Variants in RAD50 observed in about 807,000 individuals in gnomAD.
RAD50 encodes the protein DNA repair protein RAD50.
In RAD50, 132 loss-of-function variants were observed where a neutral mutation model predicts 168.8. The observed-to-expected ratio is 0.78, with a 90% CI of 0.68 to 0.90. The LOEUF is 0.90. Among genes scored for constraint, RAD50 ranks in the 40% least tolerant of loss-of-function variants. RAD50 has a pLI of 0.00. For missense variants in RAD50, 1,347 were observed against 1,534.4 expected (o/e 0.88, Z 2.04); for synonymous variants, 525 against 497.4 (o/e 1.06, Z -0.74).
rs587781569 is a variant in RAD50 at position 132,640,708 on chromosome 5, G to T, written c.3655G>T (p.Glu1219Ter). The change falls in exon 24 of 25, where the codon GAA becomes TAA. Residue 1219 changes from glutamate to a stop codon, truncating the protein, a stop_gained. Coordinates refer to ENST00000378823, the MANE Select transcript of RAD50 (RefSeq NM_005732.4). LOFTEE classifies it high-confidence loss of function. ...ACTCATCATTCGCCTGGCCCTGGCT[G>T]AAACGTTCTGCCTCAACTGTGGCAT... The part of the protein sequence containing the change: ...ASLIIRLALA[E>*]TFCLNCGIIA... The T allele has an allele frequency of 1.2e-6, 2 of 1,614,048 alleles. No individual in the cohort carries two copies. The highest frequency in any genetic ancestry group is 2.7e-5 in the African/African-American group (2 of 74,914).
intron 21 of RAD50, among the ~76,000 whole-genome samples, chr5:132,634,375 T>A (rs1162064285): frequency 6.6e-6 from 1 of 152,150 alleles, no homozygotes; most frequent in African/African-American, 2.4e-5. Context: ...CTATTGGTGT[T>A]TGCCTCTAGA....
In RAD50 at chr5:132,557,237, G is replaced by T; in HGVS notation, c.-88G>T. ...ATCCTCCTGACCCTGAGATTCGCGG[G>T]TCTCACGTCCCGTGCACGCCTTGCT... On this transcript the variant is annotated 5_prime_UTR_variant, in exon 1 of 25. Transcript: ENST00000378823. The T allele has an allele frequency of 6.5e-7, 1 of 1,541,438 alleles. No individual in the cohort carries two copies. Among genetic ancestry groups the T allele is most frequent in the Non-Finnish European group, 9.0e-7 (1 of 1,114,428 alleles).
chr5:132,584,208 G>T (rs1272994995), intron 5 of RAD50, among the ~76,000 whole-genome samples: 1 of 152,126 alleles, frequency 6.6e-6, no homozygotes, highest in African/African-American at 2.4e-5. Flanking sequence ...ATTCTAACTG[G>T]TGTGAGATGA....
intron 11 of RAD50, 21 bp from the exon 12 acceptor site, chr5:132,594,848 C>T: frequency 6.3e-7 from 1 of 1,583,508 alleles, no homozygotes; most frequent in Non-Finnish European, 8.7e-7. Context: ...AAATGAAAAT[C>T]CATATTTGCT....
chr5:132,595,878 G>C (rs1750783362), intron 13 of RAD50, 68 bp downstream of exon 13: 2 of 1,416,520 alleles, frequency 1.4e-6, no homozygotes, highest in Non-Finnish European at 2.0e-6. Context: ...TCTCATGCCT[G>C]GGCAGATGGT....
At chr5:132,634,201 C>G (rs1317496187) in intron 21 of RAD50, among the ~76,000 whole-genome samples, 1 of 152,116 alleles carries the variant, frequency 6.6e-6, no homozygotes, top group African/African-American at 2.4e-5. Flanking sequence ...CCATTCTGGA[C>G]TCCTTAGTAT....
At chr5:132,565,522 C>T (rs1422560791) in intron 2 of RAD50, among the ~76,000 whole-genome samples, 1 of 152,112 alleles carries the variant, frequency 6.6e-6, no homozygotes, top group Non-Finnish European at 1.5e-5. Flanking sequence ...TACACTTTGA[C>T]TTCTGGTGCT....
At chr5:132,569,676 A>G (rs987272611) in intron 2 of RAD50, among the ~76,000 whole-genome samples, 2 of 152,232 alleles carry the variant, frequency 1.3e-5, no homozygotes, top group Non-Finnish European at 1.5e-5. Context: ...ATAGCAGAAT[A>G]CACTTTATTT....
At chr5:132,571,314 A>G (rs975114919) in intron 2 of RAD50, among the ~76,000 whole-genome samples, 1 of 152,232 alleles carries the variant, frequency 6.6e-6, no homozygotes, top group African/African-American at 2.4e-5. Flanking sequence ...AGAGCACAAT[A>G]AGATGGGGTA....
chr5:132,603,839 A>T (rs1258467091), intron 14 of RAD50, 81 bp from the exon 15 acceptor site: 1 of 1,267,436 alleles, frequency 7.9e-7, no homozygotes, highest in Non-Finnish European at 1.1e-6. Context: ...TAAAAAATAA[A>T]TGATAAGAGC....
At chr5:132,579,106 T>C (rs148844544) in intron 3 of RAD50, among the ~76,000 whole-genome samples, 52 of 152,326 alleles carry the variant, frequency 3.4e-4, no homozygotes, top group African/African-American at 1.2e-3. Flanking sequence ...CTTCCTTTCC[T>C]GAACTACTTT....
intron 24 of RAD50, chr5:132,641,783 A>G (rs143417487): frequency 6.0e-4 from 109 of 182,418 alleles, no homozygotes; most frequent in African/African-American, 2.4e-3. Context: ...TTTTTCTTCC[A>G]GAGAAAAGTA....
Position 132,589,630 on chromosome 5 carries a change from G to T in RAD50, c.1246-1G>T. On this transcript the variant is annotated splice_acceptor_variant, in intron 8 of 24. Transcript: ENST00000378823. LOFTEE classifies it high-confidence loss of function. ...TGCTCATTCTTTACATATGCATTTA[G>T]AATGACTTTGCAGAAAAAGAGACTC... The T allele has an allele frequency of 1.3e-6, 2 of 1,571,766 alleles. No individual in the cohort carries two copies. The highest frequency in any genetic ancestry group is 1.7e-6 in the Non-Finnish European group (2 of 1,156,726).
intron 19 of RAD50, 87 bp from the exon 20 acceptor site, chr5:132,615,916 T>C: frequency 2.5e-6 from 3 of 1,208,650 alleles, no homozygotes; most frequent in Non-Finnish European, 3.6e-6. Context: ...AAGACAGAAA[T>C]GGCACTTGCT....
At chr5:132,592,896 C>T (rs1172658485) in intron 11 of RAD50, 1 of 470,884 alleles carries the variant, frequency 2.1e-6, no homozygotes, top group Non-Finnish European at 4.4e-6. Flanking sequence ...TGATTTTGGG[C>T]ATCCATCAAG....
intron 21 of RAD50, among the ~76,000 whole-genome samples, chr5:132,624,404 T>C (rs1026768585): frequency 3.3e-5 from 5 of 152,208 alleles, no homozygotes; most frequent in African/African-American, 1.2e-4. Context: ...CTTTAATAAT[T>C]CTTTTTAGTC....
At chr5:132,624,159 A>T (rs181993802) in intron 21 of RAD50, among the ~76,000 whole-genome samples, 1 of 152,180 alleles carries the variant, frequency 6.6e-6, no homozygotes, top group African/African-American at 2.4e-5. Flanking sequence ...TAACATTACA[A>T]TGTTCCCTGG....
intron 19 of RAD50, 32 bp downstream of exon 19, chr5:132,609,428 A>G (rs775804208): frequency 1.2e-6 from 2 of 1,611,018 alleles, no homozygotes; most frequent in South Asian, 2.2e-5. Flanking sequence ...TATCACTTAC[A>G]CCTATGACAT....
chr5:132,641,248 C>A (rs1751714092), intron 24 of RAD50, among the ~76,000 whole-genome samples: 1 of 152,176 alleles, frequency 6.6e-6, no homozygotes, highest in Admixed American at 6.5e-5. Flanking sequence ...AGCTCTTACT[C>A]AAAAAGCTTA....
Sources: gnomAD v4.1 joint callset for allele counts (sites outside exome capture counted in the v4.1 genomes callset) on GRCh38, gnomAD v4.1.1 for gene constraint, MANE v1.5 for transcripts, NCBI Gene and HGNC (gene_info 2026-07-23, HGNC 2026-07-21) for gene names.